PDK1: variants seen among roughly 807,000 people sequenced by gnomAD.
The protein encoded by PDK1 is [Pyruvate dehydrogenase (acetyl-transferring)] kinase isozyme 1, mitochondrial.
In PDK1, 39 loss-of-function variants were observed where a neutral mutation model predicts 54.2. The observed-to-expected ratio is 0.72, with a 90% confidence interval of 0.56 to 0.94. PDK1 has a LOEUF of 0.94. Ranked by LOEUF, PDK1 falls within the 40% of genes least tolerant of loss-of-function variation. The probability of loss-of-function intolerance (pLI) is 0.00; values close to 1 mark genes in which losing one functional copy is unlikely to be tolerated. For synonymous variants in PDK1, 221 were observed against 207.1 expected (o/e 1.07, Z -0.58); for missense variants, 552 against 566.0 (o/e 0.98, Z 0.25).
rs1170360173 is a variant in PDK1, at chr2:172,598,355, C to T, written c.*2386C>T. 6.6e-6 allele frequency: 1 copy of T among 151,978 alleles called. No individual in the cohort carries two copies. Among genetic ancestry groups the T allele is most frequent in the Non-Finnish European group, 1.5e-5 (1 of 67,984 alleles). The allele number at this position is 151,978 out of a possible 1,614,324, so 9.4% of individuals were successfully genotyped here. On this transcript the variant is annotated 3_prime_UTR_variant, in exon 11 of 11. Coordinates refer to ENST00000282077, the MANE Select transcript of PDK1 (RefSeq NM_002610.5). ...CCTTTAGCTTATTTTTAAGGTAAAA[C>T]AGCTTTTTACTCTGTTATTGTGGTA...
chr2:172,700,156 T>C, the PDK1 span, among the ~76,000 whole-genome samples: 1 of 152,204 alleles, frequency 6.6e-6, no homozygotes, highest in Non-Finnish European at 1.5e-5. Flanking sequence ...TGTCTACTTC[T>C]TTCCACACAG....
At chr2:172,693,687 G>A in the PDK1 span, among the ~76,000 whole-genome samples, 2 of 152,070 alleles carry the variant, frequency 1.3e-5, no homozygotes, top group South Asian at 2.1e-4. Flanking sequence ...ATAAAGAATC[G>A]GACTCTATTT....
chr2:172,632,425 T>C, the PDK1 span, among the ~76,000 whole-genome samples: 1 of 152,208 alleles, frequency 6.6e-6, no homozygotes, highest in Non-Finnish European at 1.5e-5. Context: ...TCTTCCTTCG[T>C]GAAAGAATTT....
At chr2:172,633,745 A>G in the PDK1 span, among the ~76,000 whole-genome samples, 1 of 151,150 alleles carries the variant, frequency 6.6e-6, no homozygotes, top group Admixed American at 6.6e-5. Flanking sequence ...ATTTTATTTA[A>G]TAATAAAATT....
the PDK1 span, among the ~76,000 whole-genome samples, chr2:172,635,269 G>T: frequency 1.3e-5 from 2 of 152,086 alleles, no homozygotes. Context: ...CTTAGATTCT[G>T]TATTTGTCTG....
At chr2:172,583,031 C>G (rs951454712) in intron 8 of PDK1, among the ~76,000 whole-genome samples, 4 of 152,166 alleles carry the variant, frequency 2.6e-5, no homozygotes, top group African/African-American at 9.7e-5. Flanking sequence ...AATATTTACT[C>G]AAGTCTACCT....
At chr2:172,580,271 T>TAGAGACA (rs1689831894) in intron 8 of PDK1, among the ~76,000 whole-genome samples, 1 of 149,194 alleles carries the variant, frequency 6.7e-6, no homozygotes, top group South Asian at 2.1e-4. Context: ...CAGATGCTAA[T>TAGAGACA]GTGTCTATTT....
At chr2:172,680,348 C>A in the PDK1 span, among the ~76,000 whole-genome samples, 1 of 151,814 alleles carries the variant, frequency 6.6e-6, no homozygotes, top group Non-Finnish European at 1.5e-5. Flanking sequence ...TTCTTTCTTT[C>A]TTTTCTTTTC....
the PDK1 span, among the ~76,000 whole-genome samples, chr2:172,625,699 A>T: frequency 2.0e-5 from 3 of 152,070 alleles, no homozygotes; most frequent in Non-Finnish European, 4.4e-5. Context: ...ATTTGTTTTA[A>T]TGGAGCACTT....
At chr2:172,701,057 A>C in the PDK1 span, among the ~76,000 whole-genome samples, 1 of 151,910 alleles carries the variant, frequency 6.6e-6, no homozygotes, top group East Asian at 1.9e-4. Context: ...GAGAAGAGGG[A>C]GAGGGAGAGC....
At chr2:172,713,154 G>A in the PDK1 span, among the ~76,000 whole-genome samples, 1 of 152,220 alleles carries the variant, frequency 6.6e-6, no homozygotes, top group East Asian at 1.9e-4. Flanking sequence ...GCTCTCACTG[G>A]AGAGGAGACT....
chr2:172,702,058 G>T, the PDK1 span, among the ~76,000 whole-genome samples: 1 of 152,146 alleles, frequency 6.6e-6, no homozygotes, highest in Non-Finnish European at 1.5e-5. Flanking sequence ...TCAAGGACTA[G>T]GTTAGGGGCG....
the PDK1 span, among the ~76,000 whole-genome samples, chr2:172,625,915 G>T: frequency 6.6e-6 from 1 of 152,150 alleles, no homozygotes; most frequent in African/African-American, 2.4e-5. Flanking sequence ...GTGACAAAGA[G>T]AAAATAAACA....
the PDK1 span, among the ~76,000 whole-genome samples, chr2:172,705,111 A>G: frequency 1.3e-5 from 2 of 152,226 alleles, no homozygotes; most frequent in East Asian, 3.8e-4. Context: ...TTGTGAGTTA[A>G]TGGTTGATAC....
the PDK1 span, among the ~76,000 whole-genome samples, chr2:172,625,927 A>G: frequency 6.6e-6 from 1 of 152,234 alleles, no homozygotes; most frequent in South Asian, 2.1e-4. Flanking sequence ...AAATAAACAT[A>G]AACGTCACAA....
At chr2:172,636,048 G>A in the PDK1 span, among the ~76,000 whole-genome samples, 2 of 152,180 alleles carry the variant, frequency 1.3e-5, no homozygotes, top group African/African-American at 4.8e-5. Context: ...CTCTTCTCTT[G>A]GGAAATGTAA....
At chr2:172,617,885 ATAACT>A in the PDK1 span, among the ~76,000 whole-genome samples, 2 of 152,238 alleles carry the variant, frequency 1.3e-5, no homozygotes, top group Non-Finnish European at 2.9e-5. Context: ...CATTAAACAC[ATAACT>A]TTATTTAAAA....
the PDK1 span, among the ~76,000 whole-genome samples, chr2:172,691,034 T>G: frequency 2.0e-5 from 3 of 150,474 alleles, no homozygotes; most frequent in South Asian, 2.1e-4. Context: ...AAGTCCCCAC[T>G]CAACCCAGGA....
chr2:172,676,288 C>T, the PDK1 span, among the ~76,000 whole-genome samples: 1 of 152,110 alleles, frequency 6.6e-6, no homozygotes, highest in African/African-American at 2.4e-5. Flanking sequence ...AAGGCTGTAG[C>T]TGCTATAGAT....
Sources: allele counts gnomAD v4.1 joint callset (sites outside exome capture counted in the v4.1 genomes callset), GRCh38; gene constraint gnomAD v4.1.1; transcripts MANE v1.5; gene names NCBI Gene and HGNC (gene_info 2026-07-23, HGNC 2026-07-21).